Variants in PRKCD observed in about 807,000 individuals in gnomAD.
The protein encoded by PRKCD is protein kinase C delta type.
In PRKCD, 20 loss-of-function variants were observed where a neutral mutation model predicts 82.2. The ratio of observed to expected loss-of-function variants is 0.24; its 90% confidence interval spans 0.17 to 0.35. The LOEUF is 0.35. PRKCD is among the 10% of genes least tolerant of loss of function. The probability of loss-of-function intolerance (pLI) is 1.00; values close to 1 mark genes in which losing one functional copy is unlikely to be tolerated. For missense variants in PRKCD, 607 were observed against 899.0 expected (o/e 0.68, Z 4.15); for synonymous variants, 317 against 337.0 (o/e 0.94, Z 0.65).
At chr3:53,188,427 T>G (rs576910039) in intron 15 of PRKCD, among the ~76,000 whole-genome samples, 2 of 152,280 alleles carry the variant, frequency 1.3e-5, no homozygotes, top group East Asian at 3.9e-4. Context: ...TGGGGGTCAC[T>G]TCTGCTGCTG....
intron 2 of PRKCD, among the ~76,000 whole-genome samples, chr3:53,171,521 G>A (rs782254757): frequency 3.3e-5 from 5 of 152,210 alleles, no homozygotes; most frequent in African/African-American, 4.8e-5. Flanking sequence ...CACTGCCTGC[G>A]TGGCGCATCC....
At chr3:53,181,044 G>T (rs971681397) in intron 4 of PRKCD, among the ~76,000 whole-genome samples, 163 bp from the exon 5 acceptor site, 21 of 151,930 alleles carry the variant, frequency 1.4e-4, no homozygotes, top group Admixed American at 1.2e-3. Context: ...CAGGAGTGGG[G>T]CTCAGGCGGG....
intron 1 of PRKCD, among the ~76,000 whole-genome samples, chr3:53,162,740 G>A (rs1044471672): frequency 2.0e-5 from 3 of 151,532 alleles, no homozygotes; most frequent in Non-Finnish European, 4.4e-5. Context: ...GCTAGTGTGT[G>A]TGTCCCTGTG....
At chr3:53,166,019 C>T (rs568738048) in intron 2 of PRKCD, among the ~76,000 whole-genome samples, 9 of 152,258 alleles carry the variant, frequency 5.9e-5, no homozygotes, top group African/African-American at 7.2e-5. Flanking sequence ...GCTGGAGCCT[C>T]GGAGTAACAG....
intron 9 of PRKCD, among the ~76,000 whole-genome samples, chr3:53,184,488 TA>T (rs2107272120): frequency 6.6e-6 from 1 of 152,102 alleles, no homozygotes; most frequent in East Asian, 1.9e-4. Flanking sequence ...CCAGCCTGGC[TA>T]ACATGGAAAA....
chr3:53,179,485 C>G (rs782562404), intron 3 of PRKCD, 92 bp from the exon 4 acceptor site: 1 of 1,523,952 alleles, frequency 6.6e-7, no homozygotes, highest in Non-Finnish European at 9.1e-7. Context: ...GCAGGAGAGT[C>G]GGGCAGATTC....
At chr3:53,188,146 C>G (rs1703777271) in intron 15 of PRKCD, among the ~76,000 whole-genome samples, 1 of 135,938 alleles carries the variant, frequency 7.4e-6, no homozygotes, top group African/African-American at 2.7e-5. Flanking sequence ...TGAGATCATG[C>G]CACTGCACTC....
chr3:53,186,292 C>G lies in PRKCD; in HGVS notation c.1212C>G (p.Ala404=), dbSNP rs200149825. Reference sequence around the variant, plus strand: ...TTGAGAAGCGGGTGCTGACACTTGCCGCAGAGAATCCCTTTCTCACCCACC... The same window carrying G: ...TTGAGAAGCGGGTGCTGACACTTGCGGCAGAGAATCCCTTTCTCACCCACC... ...TMVEKRVLTL[A]AENPFLTHLI... The change falls in exon 13 of 19, where the codon GCC becomes GCG. Residue 404 remains alanine, a synonymous_variant. Coordinates refer to ENST00000330452, the MANE Select transcript of PRKCD (RefSeq NM_006254.4). 1 of 1,614,138 alleles carries G rather than the reference C, an allele frequency of 6.2e-7. No homozygotes were observed. The highest frequency in any genetic ancestry group is 8.5e-7 in the Non-Finnish European group (1 of 1,179,992).
chr3:53,181,761 G>C, intron 7 of PRKCD, 29 bp downstream of exon 7: 1 of 1,614,164 alleles, frequency 6.2e-7, no homozygotes, highest in Non-Finnish European at 8.5e-7. Context: ...CAGTTTGTAC[G>C]TATGTACCCA....
chr3:53,162,198 T>A (rs1003479724), intron 1 of PRKCD, among the ~76,000 whole-genome samples: 2 of 148,760 alleles, frequency 1.3e-5, no homozygotes, highest in African/African-American at 2.4e-5. Context: ...CCCTGCCCGA[T>A]ACGGTCTGTA....
intron 2 of PRKCD, among the ~76,000 whole-genome samples, chr3:53,171,739 A>G (rs1291495959): frequency 6.6e-6 from 1 of 152,196 alleles, no homozygotes; most frequent in Non-Finnish European, 1.5e-5. Context: ...TGAGGGAACA[A>G]CATCTGCAAA....
At chr3:53,171,038 A>G (rs1703007507) in intron 2 of PRKCD, among the ~76,000 whole-genome samples, 1 of 151,830 alleles carries the variant, frequency 6.6e-6, no homozygotes, top group African/African-American at 2.4e-5. Flanking sequence ...TCTAATGTCG[A>G]GTGGGGCTCC....
At chr3:53,188,379 C>T (rs556993936) in intron 15 of PRKCD, among the ~76,000 whole-genome samples, 3 of 152,144 alleles carry the variant, frequency 2.0e-5, no homozygotes, top group South Asian at 4.1e-4. Flanking sequence ...TAAATATAGA[C>T]ATGGTCTCTG....
In PRKCD at chr3:53,161,755, C is replaced by T. The variant is rs114545442; in HGVS notation, c.-132+327C>T. Among the ~76,000 whole-genome samples the T allele has an allele frequency of 5.6e-3, 847 of 152,028 alleles. 8 individuals are homozygous for T. Among genetic ancestry groups the T allele is most frequent in the African/African-American group, 0.019 (805 of 41,474 alleles). On this transcript the variant is annotated intron_variant, in intron 1 of 18. Transcript: ENST00000330452. Reference sequence around the variant, plus strand: ...GTGTCCGTCCGTCTGTCGCCACCCACTCTGTGTTCTCCCCCTGCGCGCCTC... The same window carrying T: ...GTGTCCGTCCGTCTGTCGCCACCCATTCTGTGTTCTCCCCCTGCGCGCCTC...
At chr3:53,191,856 GT>G (rs1177679453) in intron 18 of PRKCD, among the ~76,000 whole-genome samples, 2 of 152,192 alleles carry the variant, frequency 1.3e-5, no homozygotes, top group Non-Finnish European at 2.9e-5. Flanking sequence ...CTGTGATTCG[GT>G]GGTCTCTGAG....
intron 15 of PRKCD, among the ~76,000 whole-genome samples, chr3:53,187,934 C>T (rs1703769566): frequency 6.6e-6 from 1 of 152,110 alleles, no homozygotes; most frequent in Non-Finnish European, 1.5e-5. Flanking sequence ...CGCCTGTAAT[C>T]CCAGCACTTT....
chr3:53,180,907 C>T (rs569951779), intron 4 of PRKCD, among the ~76,000 whole-genome samples: 6 of 151,952 alleles, frequency 3.9e-5, no homozygotes, highest in African/African-American at 9.7e-5. Context: ...GGAGCTGCAG[C>T]GGGTAGGGGT....
intron 5 of PRKCD, 35 bp downstream of exon 5, chr3:53,181,302 C>G (rs374351429): frequency 1.2e-6 from 2 of 1,611,660 alleles, no homozygotes; most frequent in Non-Finnish European, 1.7e-6. Context: ...GCTCCCTTGC[C>G]GGGTTCAGAG....
intron 1 of PRKCD, among the ~76,000 whole-genome samples, chr3:53,163,561 A>C (rs1702743767): frequency 6.6e-6 from 1 of 152,160 alleles, no homozygotes; most frequent in South Asian, 2.1e-4. Flanking sequence ...AGGCCTCTCA[A>C]GGCTGAGTGT....
Sources: allele counts gnomAD v4.1 joint callset (sites outside exome capture counted in the v4.1 genomes callset), GRCh38; gene constraint gnomAD v4.1.1; transcripts MANE v1.5; gene names NCBI Gene and HGNC (gene_info 2026-07-23, HGNC 2026-07-21).